The following CACNA1B variants were observed in gnomAD, a reference collection of about 807,000 sequenced individuals.
CACNA1B encodes calcium voltage-gated channel subunit alpha1 B.
In CACNA1B, 70 loss-of-function variants were observed where a neutral mutation model predicts 247.2. The observed-to-expected ratio is 0.28, with a 90% confidence interval of 0.23 to 0.35. The LOEUF (loss-of-function observed/expected upper bound fraction) is 0.35, where lower values mean the gene tolerates loss of function less well. Ranked by LOEUF, CACNA1B falls within the 10% of genes least tolerant of loss-of-function variation. CACNA1B has a pLI of 1.00. For missense variants in CACNA1B, 2,367 were observed against 3,197.4 expected, an observed-to-expected ratio of 0.74 and a Z score of 6.26; for synonymous variants, 1,231 against 1,294.4, an observed-to-expected ratio of 0.95 and a Z score of 1.05.
In CACNA1B at chr9:138,052,212, G is replaced by T; in HGVS notation, c.3807+24G>T. 7.2e-7 allele frequency: 1 copy of T among 1,396,694 alleles called. No individual in the cohort carries two copies. Among genetic ancestry groups the T allele is most frequent in the South Asian group, 1.2e-5 (1 of 84,564 alleles). 86.5% of individuals were successfully genotyped at this position (1,396,694 alleles called of 1,614,324 possible). A position where few individuals can be genotyped will look rare whatever the true frequency, so the allele number is the denominator to read the frequency against. On this transcript the variant is annotated intron_variant, in intron 25 of 46. Transcript: ENST00000371372. The surrounding 1 kb of genome is among the most constrained non-coding windows in gnomAD (Gnocchi z 5.1). ...AGGTTAGAGCCTGGAGTTGGGGCTT[G>T]AGGGATGTGCTGTGTGTGTGTGCGT... is the stretch of plus-strand genomic sequence containing the variant.
chr9:137,903,902 G>A lies in CACNA1B; in HGVS notation c.531-9278G>A, dbSNP rs538126004. Among the ~76,000 whole-genome samples, 9 of 152,310 alleles carry A rather than the reference G, an allele frequency of 5.9e-5. No homozygotes were observed. In the South Asian group the frequency reaches 1.4e-3, roughly 25 times the overall value. On this transcript the variant is annotated intron_variant, in intron 3 of 46. Transcript: ENST00000371372. The stretch of plus-strand genomic sequence containing the variant: ...GCTGTCCCTGTCTGGTGTCACTGCT[G>A]GCTTCTGGTGTTTGTCCATCCATCA...
rs1589074872 is a variant in CACNA1B at position 138,023,370 on chromosome 9, G to A, written c.2627G>A (p.Ser876Asn). ...QDRAEAPKAE[S>N]GEPGAREERP... ...CGAGCAGAGGCCCCGAAGGCGGAGA[G>A]CGGGGAGCCCGGTGCCCGGGAGGAG... Residue 876 changes from serine to asparagine, a missense_variant, in exon 19 of 47, where the codon AGC (serine) becomes AAC (asparagine). Ser to Asn is a conservative substitution (Grantham distance 46). This residue lies in a region of CACNA1B where 631 missense variants were observed against 631.1 expected (regional missense o/e 1.00). Coordinates refer to ENST00000371372, the MANE Select transcript of CACNA1B (RefSeq NM_000718.4). The A allele has an allele frequency of 1.4e-6, 2 of 1,404,528 alleles. No homozygotes were observed. The highest frequency in any genetic ancestry group is 1.8e-6 in the Non-Finnish European group (2 of 1,087,000). 87.0% of individuals were successfully genotyped at this position (1,404,528 alleles called of 1,614,324 possible). A position where few individuals can be genotyped will look rare whatever the true frequency, so the allele number is the denominator to read the frequency against.
chr9:137,937,997 A>G (rs547091058), intron 6 of CACNA1B, among the ~76,000 whole-genome samples: 134 of 150,216 alleles, frequency 8.9e-4, no homozygotes, highest in South Asian at 4.5e-3. Context: ...AAAGACTCTT[A>G]AGAGCTATGA....
In CACNA1B at chr9:138,100,927, C is replaced by T. The variant is rs1263278898; in HGVS notation, c.5223-1784C>T. ...TCCGGAAATTTCGCTGGGGTTGCCA[C>T]ACCTCCCGGGGAGCTCCAAGCCCCA... On this transcript the variant is annotated intron_variant, in intron 37 of 46. Coordinates refer to ENST00000371372, the MANE Select transcript of CACNA1B (RefSeq NM_000718.4). This position sits in a 1 kb window ranked among gnomAD's most constrained non-coding sequence, Gnocchi z 4.6. Among the ~76,000 whole-genome samples the T allele has an allele frequency of 6.6e-6, 1 of 152,090 alleles. No homozygotes were observed. The highest frequency in any genetic ancestry group is 1.5e-5 in the Non-Finnish European group (1 of 67,994).
rs577744457 is a variant in CACNA1B, at chr9:138,010,436, C to T, written c.2160+359C>T. Among the ~76,000 whole-genome samples the T allele has an allele frequency of 1.8e-3, 269 of 152,290 alleles. No individual in the cohort carries two copies. The highest frequency in any genetic ancestry group is 0.01 in the Middle Eastern group (3 of 294). On this transcript the variant is annotated intron_variant, in intron 17 of 46. Coordinates refer to ENST00000371372, the MANE Select transcript of CACNA1B (RefSeq NM_000718.4). The surrounding 1 kb of genome is among the most constrained non-coding windows in gnomAD (Gnocchi z 5.3). ...AGCTGCTGCTTCAGGCAGTGCTCAGCGGGTGCCATTTTAATATTCATCTCA... is the reference window on the plus strand; with the variant it reads ...AGCTGCTGCTTCAGGCAGTGCTCAGTGGGTGCCATTTTAATATTCATCTCA...
chr9:138,118,923 C>T (rs1053875505), intron 44 of CACNA1B, among the ~76,000 whole-genome samples, 155 bp downstream of exon 44: 4 of 152,150 alleles, frequency 2.6e-5, no homozygotes, highest in Admixed American at 6.5e-5. Context: ...GCAGGCACCC[C>T]GGGCAGTCCT....
At chr9:138,105,654 G>C (rs200372779) in intron 38 of CACNA1B, 45 bp from the exon 39 acceptor site, 77 of 1,069,078 alleles carry the variant, frequency 7.2e-5, no homozygotes, top group Non-Finnish European at 9.8e-5. Context: ...GGGGTGGGGG[G>C]TGACCCCAGC....
In CACNA1B at chr9:138,102,884, T is replaced by A; in HGVS notation, c.5319+77T>A. ...AGGGGTGCTTGCTGGCTCTCCCAGC[T>A]CCTCTCCCTTTCAGGGTGCCCGGCT... is the stretch of plus-strand genomic sequence containing the variant. On this transcript the variant is annotated intron_variant, in intron 38 of 46. Coordinates refer to ENST00000371372, the MANE Select transcript of CACNA1B (RefSeq NM_000718.4). The surrounding 1 kb of genome is among the most constrained non-coding windows in gnomAD (Gnocchi z 5.4). 2 of 861,144 alleles carry A rather than the reference T, an allele frequency of 2.3e-6. No individual in the cohort carries two copies. The highest frequency in any genetic ancestry group is 3.6e-6 in the Non-Finnish European group (2 of 548,482). 53.3% of individuals were successfully genotyped at this position (861,144 alleles called of 1,614,324 possible). A position where few individuals can be genotyped will look rare whatever the true frequency, so the allele number is the denominator to read the frequency against.
At chr9:138,043,476 G>C (rs1959154082) in intron 20 of CACNA1B, among the ~76,000 whole-genome samples, 1 of 152,140 alleles carries the variant, frequency 6.6e-6, no homozygotes, top group Non-Finnish European at 1.5e-5. Context: ...AGCGCATCGA[G>C]GCCCCTCAGC....
intron 6 of CACNA1B, among the ~76,000 whole-genome samples, chr9:137,944,344 G>C (rs2133323769): frequency 6.6e-6 from 1 of 152,252 alleles, no homozygotes. Context: ...TTCTTGCCCA[G>C]TGTAACTTCC....
rs202174433 is a variant in CACNA1B, at chr9:137,882,913, G to A, written c.530+30G>A. On this transcript the variant is annotated intron_variant, in intron 3 of 46. Coordinates refer to ENST00000371372, the MANE Select transcript of CACNA1B (RefSeq NM_000718.4). The surrounding 1 kb of genome is among the most constrained non-coding windows in gnomAD (Gnocchi z 4.0). Reference sequence around the variant, plus strand: ...GCAAGCTGAGGCCAGGAGGCCCAGCGTGTGAGGCCCGGGCGTGTGCTCTCT... The same window carrying A: ...GCAAGCTGAGGCCAGGAGGCCCAGCATGTGAGGCCCGGGCGTGTGCTCTCT... 7.2e-4 allele frequency: 1,149 copies of A among 1,594,254 alleles called. 12 individuals carry two copies. In the African/African-American group the frequency reaches 0.014, roughly 19 times the overall value.
chr9:138,075,954 G>C (rs77240008), intron 35 of CACNA1B, 44 bp downstream of exon 35: 3 of 1,291,102 alleles, frequency 2.3e-6, no homozygotes, highest in Non-Finnish European at 1.1e-6. Flanking sequence ...CTCTTCCGTC[G>C]GGGGCTGCTT....
At chr9:138,091,601 C>T (rs1029366792) in intron 36 of CACNA1B, among the ~76,000 whole-genome samples, 1 of 152,034 alleles carries the variant, frequency 6.6e-6, no homozygotes, top group Non-Finnish European at 1.5e-5. Context: ...GATGGATATG[C>T]TAATTACTGT....
At chr9:137,945,532 A>G (rs1038657890) in intron 6 of CACNA1B, among the ~76,000 whole-genome samples, 1 of 152,248 alleles carries the variant, frequency 6.6e-6, no homozygotes, top group Non-Finnish European at 1.5e-5. Flanking sequence ...TCCCTGGCTG[A>G]AGGCCCCGAC....
chr9:138,005,857 T>G (rs1589062517), intron 15 of CACNA1B, among the ~76,000 whole-genome samples: 1 of 152,050 alleles, frequency 6.6e-6, no homozygotes, highest in East Asian at 1.9e-4. Flanking sequence ...TCCTGGCTAA[T>G]GCGGTGAAAC....
chr9:137,975,244 G>T (rs1187998607), intron 11 of CACNA1B, among the ~76,000 whole-genome samples: 3 of 152,268 alleles, frequency 2.0e-5, no homozygotes, highest in South Asian at 2.1e-4. Context: ...TGCTGTGCCC[G>T]CAGGAACCTC....
intron 6 of CACNA1B, among the ~76,000 whole-genome samples, chr9:137,931,908 C>T (rs1430439406): frequency 2.0e-5 from 3 of 152,206 alleles, no homozygotes; most frequent in Non-Finnish European, 4.4e-5. Flanking sequence ...TGCACCTCAA[C>T]TTAGCATTTC....
chr9:137,965,024 A>G (rs956948757), intron 10 of CACNA1B, among the ~76,000 whole-genome samples: 1 of 152,234 alleles, frequency 6.6e-6, no homozygotes, highest in African/African-American at 2.4e-5. Flanking sequence ...TGGTATCGCC[A>G]GTGAAGGTCG....
rs1164976450 is a variant in CACNA1B at position 138,121,195 on chromosome 9, G to C, written c.6490-274G>C. ...TAACTCTCCTTCCCTGACTGTGGTCGTTGGGCTTTTGTTCTGTCCTTTTCC... is the reference window on the plus strand; with the variant it reads ...TAACTCTCCTTCCCTGACTGTGGTCCTTGGGCTTTTGTTCTGTCCTTTTCC... On this transcript the variant is annotated intron_variant, in intron 46 of 46. Transcript: ENST00000371372. The surrounding 1 kb of genome is among the most constrained non-coding windows in gnomAD (Gnocchi z 6.8). Among the ~76,000 whole-genome samples the C allele has an allele frequency of 1.3e-5, 2 of 152,056 alleles. No homozygotes were observed. Among genetic ancestry groups the C allele is most frequent in the African/African-American group, 4.8e-5 (2 of 41,386 alleles).
Sources: allele counts gnomAD v4.1 joint callset (sites outside exome capture counted in the v4.1 genomes callset), GRCh38; gene constraint gnomAD v4.1.1; regional missense constraint gnomAD v4.1.1; non-coding constraint Gnocchi (gnomAD v3.1); transcripts MANE v1.5; gene names NCBI Gene and HGNC (gene_info 2026-07-23, HGNC 2026-07-21).